Variants in ATP2C2 observed in about 807,000 individuals in gnomAD.
The protein encoded by ATP2C2 is calcium-transporting ATPase type 2C member 2.
ATP2C2 carries 171 observed loss-of-function variants against 110.8 expected under a neutral mutation model. The ratio of observed to expected loss-of-function variants is 1.54; its 90% CI spans 1.36 to 1.75. ATP2C2 has a LOEUF of 1.75. ATP2C2 is among the 40% of genes most tolerant of loss of function. ATP2C2 has a pLI of 0.00. For synonymous variants in ATP2C2, 804 were observed against 508.4 expected, an observed-to-expected ratio of 1.58 and a Z score of -7.82; for missense variants, 1,963 against 1,235.0, an observed-to-expected ratio of 1.59 and a Z score of -8.84.
chr16:84,445,137 C>T (rs1482548089), intron 15 of ATP2C2, among the ~76,000 whole-genome samples: 1 of 152,150 alleles, frequency 6.6e-6, no homozygotes, highest in African/African-American at 2.4e-5. Flanking sequence ...CGCATCCCTG[C>T]CTTGGTCTCT....
At chr16:84,407,279 C>G (rs1479818060) in intron 3 of ATP2C2, 1 of 152,356 alleles carries the variant, frequency 6.6e-6, no homozygotes, top group African/African-American at 2.4e-5. Flanking sequence ...GCGTAAGGCT[C>G]TGGACGGGAT....
At chr16:84,452,320 G>C (rs1193121245) in intron 18 of ATP2C2, among the ~76,000 whole-genome samples, 2 of 152,132 alleles carry the variant, frequency 1.3e-5, no homozygotes, top group Non-Finnish European at 2.9e-5. Flanking sequence ...CATGGATACT[G>C]AGGACCTACT....
At chr16:84,404,122 C>G (rs75427918) in intron 2 of ATP2C2, among the ~76,000 whole-genome samples, 6,997 of 152,312 alleles carry the variant, frequency 0.046, 224 homozygotes, top group East Asian at 0.096. Flanking sequence ...ATGCCACTCT[C>G]CAGGAATATC....
intron 11 of ATP2C2, among the ~76,000 whole-genome samples, chr16:84,432,558 C>G (rs1399036693): frequency 1.3e-5 from 2 of 151,990 alleles, no homozygotes; most frequent in African/African-American, 2.4e-5. Context: ...GAGTCTTGCT[C>G]TGTCCAGGCT....
intron 11 of ATP2C2, chr16:84,426,095 A>C: frequency 2.5e-6 from 1 of 392,296 alleles, no homozygotes; most frequent in South Asian, 3.1e-5. Context: ...TATTAAGAAA[A>C]TAGTTTAATT....
At chr16:84,443,565 C>A (rs1164050612) in intron 15 of ATP2C2, among the ~76,000 whole-genome samples, 1 of 152,214 alleles carries the variant, frequency 6.6e-6, no homozygotes, top group Non-Finnish European at 1.5e-5. Context: ...TTTGACCACT[C>A]CTGCCTGTTC....
At position 84,459,028 on chromosome 16, in the gene ATP2C2, G is replaced by A. The variant is rs1472182593; in HGVS notation, c.2148-92G>A. 6 of 1,375,222 alleles carry A rather than the reference G, an allele frequency of 4.4e-6. No individual in the cohort carries two copies. In the African/African-American group the frequency reaches 7.1e-5, roughly 16 times the overall value. The allele number at this position is 1,375,222 out of a possible 1,614,324, so 85.2% of individuals were successfully genotyped here. ...GGGCCCAAGTATAACATCAATCTGG[G>A]CGAGTCACCACTGCCCCTTGCAGCA... On this transcript the variant is annotated intron_variant, in intron 21 of 26. Coordinates refer to ENST00000262429, the MANE Select transcript of ATP2C2 (RefSeq NM_014861.4).
At chr16:84,462,855 G>C (rs571537615) in intron 26 of ATP2C2, 1 of 152,976 alleles carries the variant, frequency 6.5e-6, no homozygotes, top group Non-Finnish European at 1.5e-5. Flanking sequence ...AGTGGGTCAT[G>C]GCTCAGATCT....
chr16:84,455,075 G>GC, intron 21 of ATP2C2, 91 bp downstream of exon 21: 1 of 1,507,592 alleles, frequency 6.6e-7, no homozygotes, highest in Non-Finnish European at 9.0e-7. Context: ...GATAGAGGGG[G>GC]GGGTCTCGCG....
intron 1 of ATP2C2, among the ~76,000 whole-genome samples, chr16:84,384,403 G>A (rs72804661): frequency 0.073 from 11,106 of 152,220 alleles, 500 homozygotes; most frequent in Middle Eastern, 0.11. Context: ...CTCAGGTTAC[G>A]CGCTTCTGGA....
intron 11 of ATP2C2, among the ~76,000 whole-genome samples, chr16:84,432,162 C>T (rs994568633): frequency 6.6e-6 from 1 of 152,102 alleles, no homozygotes; most frequent in Non-Finnish European, 1.5e-5. Context: ...TGTTTCGTTA[C>T]GTGAATAAGC....
intron 11 of ATP2C2, among the ~76,000 whole-genome samples, chr16:84,431,768 T>G (rs1383973579): frequency 6.6e-6 from 1 of 152,146 alleles, no homozygotes; most frequent in Non-Finnish European, 1.5e-5. Context: ...ATCAGAGCCT[T>G]TCCCAATACG....
At chr16:84,430,063 G>C (rs757193421) in intron 11 of ATP2C2, among the ~76,000 whole-genome samples, 1 of 152,258 alleles carries the variant, frequency 6.6e-6, no homozygotes, top group South Asian at 2.1e-4. Context: ...TTGGACTAGG[G>C]TGGATACTCT....
rs765593636 is a variant in ATP2C2 at position 84,448,694 on chromosome 16, G to T, written c.1660+5G>T. ...TGGGGTCGCTCGGTTTGCGGGGTCAGTGCCTGTGGTCCCGGCCCAGAGCTT... is the reference window on the plus strand; with the variant it reads ...TGGGGTCGCTCGGTTTGCGGGGTCATTGCCTGTGGTCCCGGCCCAGAGCTT... On this transcript the variant is annotated splice_donor_5th_base_variant and intron_variant, in intron 17 of 26. Transcript: ENST00000262429. 3.7e-6 allele frequency: 6 copies of T among 1,608,640 alleles called. No individual in the cohort carries two copies. In the South Asian group the frequency reaches 6.6e-5, roughly 18 times the overall value.
intron 2 of ATP2C2, among the ~76,000 whole-genome samples, chr16:84,403,891 A>G (rs996315309): frequency 1.3e-5 from 2 of 152,110 alleles, no homozygotes; most frequent in East Asian, 1.9e-4. Flanking sequence ...GGCTTTTGCC[A>G]TGTTGACAAG....
rs532473057 is a variant in ATP2C2 at position 84,461,669 on chromosome 16, T to C, written c.2482-45T>C. On this transcript the variant is annotated intron_variant, in intron 24 of 26. Coordinates refer to ENST00000262429, the MANE Select transcript of ATP2C2 (RefSeq NM_014861.4). ...TGTGCCCTTTGGTTCAGGATGGAGGTTGTCTCTTCCCGCCTAACCTCTCAC... is the reference window on the plus strand; with the variant it reads ...TGTGCCCTTTGGTTCAGGATGGAGGCTGTCTCTTCCCGCCTAACCTCTCAC... The C allele has an allele frequency of 1.5e-5, 23 of 1,561,696 alleles. No individual in the cohort carries two copies. In the East Asian group the frequency reaches 5.2e-4, roughly 35 times the overall value.
At chr16:84,435,806 G>T (rs181851153) in intron 11 of ATP2C2, among the ~76,000 whole-genome samples, 2 of 147,522 alleles carry the variant, frequency 1.4e-5, no homozygotes, top group East Asian at 4.0e-4. Flanking sequence ...CAGCCTGGGC[G>T]ACAGAGCAAG....
intron 23 of ATP2C2, chr16:84,460,360 C>T (rs547706455): frequency 5.7e-5 from 26 of 452,712 alleles, no homozygotes; most frequent in African/African-American, 3.4e-4. Flanking sequence ...GGGGGGTCCC[C>T]TCGGGGTGAT....
At chr16:84,445,976 T>C (rs1297034053) in intron 15 of ATP2C2, among the ~76,000 whole-genome samples, 2 of 152,314 alleles carry the variant, frequency 1.3e-5, no homozygotes, top group East Asian at 3.9e-4. Context: ...GACCCCATGT[T>C]CTGGACGCAG....
Sources: allele counts gnomAD v4.1 joint callset (sites outside exome capture counted in the v4.1 genomes callset), GRCh38; gene constraint gnomAD v4.1.1; transcripts MANE v1.5; gene names NCBI Gene and HGNC (gene_info 2026-07-23, HGNC 2026-07-21).